CLASP2: variants seen among roughly 807,000 people sequenced by gnomAD.
The protein encoded by CLASP2 is CLIP-associating protein 2.
In CLASP2, 47 loss-of-function variants were observed where a neutral mutation model predicts 194.4. The observed-to-expected ratio is 0.24, with a 90% CI of 0.19 to 0.31. The LOEUF is 0.31. Ranked by LOEUF, CLASP2 falls within the 10% of genes least tolerant of loss-of-function variation. The pLI is 1.00. For missense variants in CLASP2, 1,445 were observed against 1,823.6 expected, an observed-to-expected ratio of 0.79 and a Z score of 3.78; for synonymous variants, 619 against 633.5, an observed-to-expected ratio of 0.98 and a Z score of 0.34.
chr3:33,567,517 G>T (rs1157484802), intron 26 of CLASP2, among the ~76,000 whole-genome samples: 1 of 152,132 alleles, frequency 6.6e-6, no homozygotes, highest in East Asian at 1.9e-4. Flanking sequence ...TATATGGGAT[G>T]GCTTTTGGCA....
chr3:33,532,466 C>G (rs183109199), intron 34 of CLASP2, among the ~76,000 whole-genome samples: 1 of 152,146 alleles, frequency 6.6e-6, no homozygotes, highest in East Asian at 1.9e-4. Context: ...GGATGTGCAA[C>G]AGTATGAATA....
rs1445326708 is a variant in CLASP2, at chr3:33,560,891, C to T, written c.2847G>A (p.Leu949=). The change falls in exon 28 of 39, where the codon CTG becomes CTA. Residue 949 remains leucine, a synonymous_variant. Transcript: ENST00000682230. ...KDDLQDWLFV[L]LTQLLKKMGA... ...CCATTTTTTTTAGTAGTTGTGTCAG[C>T]AGTACAAACAACCAATCTTGAAGAT... 3 of 1,613,820 alleles carry T rather than the reference C, an allele frequency of 1.9e-6. No homozygotes were observed. Among genetic ancestry groups the T allele is most frequent in the East Asian group, 4.5e-5 (2 of 44,872 alleles).
At chr3:33,630,449 G>C (rs1185679648) in intron 9 of CLASP2, among the ~76,000 whole-genome samples, 1 of 151,944 alleles carries the variant, frequency 6.6e-6, no homozygotes, top group Admixed American at 6.6e-5. Context: ...ATGGGTATAG[G>C]AATAATGGTC....
chr3:33,595,618 TA>T (rs1456378656), intron 19 of CLASP2, among the ~76,000 whole-genome samples: 1 of 152,070 alleles, frequency 6.6e-6, no homozygotes, highest in East Asian at 1.9e-4. Context: ...GTATTTTTTT[TA>T]AACATAGGAT....
At position 33,665,951 on chromosome 3, in the gene CLASP2, T is replaced by C. The variant is rs187493321; in HGVS notation, c.645-2436A>G. Among the ~76,000 whole-genome samples, 180 of 152,232 alleles carry C rather than the reference T, an allele frequency of 1.2e-3. 1 individual carries two copies. The highest frequency in any genetic ancestry group is 0.01 in the Admixed American group (157 of 15,280). ...GAAAAATACAACAGAGACTGGATTG[T>C]CCAAAAGATTATAAACACAATTTAG... On this transcript the variant is annotated intron_variant, in intron 6 of 38. Transcript: ENST00000682230.
chr3:33,578,803 GTA>G (rs1469616076), intron 23 of CLASP2, among the ~76,000 whole-genome samples: 2 of 152,166 alleles, frequency 1.3e-5, no homozygotes, highest in African/African-American at 2.4e-5. Flanking sequence ...CTGAAATAAA[GTA>G]AGCCTTTGAA....
intron 19 of CLASP2, 60 bp from the exon 20 acceptor site, chr3:33,595,028 T>A: frequency 9.5e-7 from 1 of 1,050,198 alleles, no homozygotes; most frequent in Non-Finnish European, 1.3e-6. Flanking sequence ...TATTAAGACC[T>A]ACCTCACAGT....
At chr3:33,626,620 TAA>T (rs2078100288) in intron 10 of CLASP2, among the ~76,000 whole-genome samples, 1 of 152,100 alleles carries the variant, frequency 6.6e-6, no homozygotes, top group Admixed American at 6.6e-5. Flanking sequence ...AACATGCAGG[TAA>T]AGTGAACTGC....
chr3:33,536,568 G>C (rs1388238670), intron 33 of CLASP2, among the ~76,000 whole-genome samples: 2 of 152,174 alleles, frequency 1.3e-5, no homozygotes, highest in African/African-American at 2.4e-5. Context: ...AGCAGGAGAT[G>C]AGGCCAGAGA....
intron 27 of CLASP2, among the ~76,000 whole-genome samples, chr3:33,565,890 G>C (rs926044790): frequency 2.6e-5 from 4 of 151,768 alleles, no homozygotes; most frequent in African/African-American, 9.7e-5. Flanking sequence ...TATTGGTAAG[G>C]TTTCTGGTCA....
intron 7 of CLASP2, among the ~76,000 whole-genome samples, chr3:33,651,158 G>A (rs1334263796): frequency 6.6e-6 from 1 of 152,098 alleles, no homozygotes; most frequent in Non-Finnish European, 1.5e-5. Flanking sequence ...CAAGGCAGGT[G>A]GATCATTTGA....
intron 34 of CLASP2, among the ~76,000 whole-genome samples, chr3:33,529,979 C>T (rs1280518832): frequency 6.3e-5 from 6 of 95,984 alleles, no homozygotes; most frequent in African/African-American, 2.1e-4. Flanking sequence ...AGCGAGACTC[C>T]GTCTCAAAAA....
At chr3:33,655,210 T>C (rs1462514818) in intron 7 of CLASP2, among the ~76,000 whole-genome samples, 2 of 152,150 alleles carry the variant, frequency 1.3e-5, no homozygotes, top group South Asian at 2.1e-4. Context: ...AAAGAAAACA[T>C]GTAAACCTTT....
chr3:33,622,981 G>T (rs1447898262), intron 10 of CLASP2, among the ~76,000 whole-genome samples: 1 of 151,944 alleles, frequency 6.6e-6, no homozygotes, highest in Non-Finnish European at 1.5e-5. Flanking sequence ...GATAATTTTT[G>T]TATTTTTAGT....
chr3:33,538,901 A>G lies in CLASP2; in HGVS notation c.3446T>C (p.Ile1149Thr). The G allele has an allele frequency of 1.9e-6, 3 of 1,599,598 alleles. No homozygotes were observed. The highest frequency in any genetic ancestry group is 2.6e-6 in the Non-Finnish European group (3 of 1,173,942). ...YDTENMNSED[I>T]YSSLRGVTEA... is the part of the protein sequence containing the mutation. The stretch of plus-strand genomic sequence containing the variant: ...AGTGACACCTCTAAGAGAGCTATAA[A>G]TATCTTCAGAGTTCATATTTTCTGT... Residue 1149 changes from isoleucine to threonine, a missense_variant, in exon 33 of 39, where the codon ATT (isoleucine) becomes ACT (threonine). Physicochemically the swap from Ile to Thr is moderately conservative, Grantham distance 89. This residue lies in a region of CLASP2 where 732 missense variants were observed against 987.9 expected (regional missense o/e 0.74). Coordinates refer to ENST00000682230, the MANE Select transcript of CLASP2 (RefSeq NM_001365631.1).
rs1488766753 is a variant in CLASP2, at chr3:33,718,232, G to T, written c.-230C>A. On this transcript the variant is annotated 5_prime_UTR_variant, in exon 1 of 39. Coordinates refer to ENST00000682230, the MANE Select transcript of CLASP2 (RefSeq NM_001365631.1). ...CCAGCCCGCTTCAGAGGCCGCGGCC[G>T]CGGGCGACGTCAGCACGCGCGTGAC... is the stretch of plus-strand genomic sequence containing the variant. 1 of 222,514 alleles carries T rather than the reference G, an allele frequency of 4.5e-6. No homozygotes were observed. 13.8% of individuals were successfully genotyped at this position (222,514 alleles called of 1,614,324 possible).
At chr3:33,605,792 G>T (rs1258914879) in intron 16 of CLASP2, among the ~76,000 whole-genome samples, 1 of 152,032 alleles carries the variant, frequency 6.6e-6, no homozygotes, top group Non-Finnish European at 1.5e-5. Flanking sequence ...CTAATTTTTA[G>T]TAGAGATGGG....
chr3:33,679,022 C>T (rs1024811839), intron 6 of CLASP2, among the ~76,000 whole-genome samples: 8 of 152,060 alleles, frequency 5.3e-5, no homozygotes, highest in Admixed American at 3.9e-4. Flanking sequence ...TACAAAACTA[C>T]GGGCAGTGTA....
intron 7 of CLASP2, among the ~76,000 whole-genome samples, chr3:33,652,094 C>T (rs1394603244): frequency 6.6e-6 from 1 of 151,956 alleles, no homozygotes; most frequent in Non-Finnish European, 1.5e-5. Flanking sequence ...GAAAAAAATA[C>T]ATCTTATGTG....
Sources: gnomAD v4.1 joint callset for allele counts (sites outside exome capture counted in the v4.1 genomes callset) on GRCh38, gnomAD v4.1.1 for gene constraint, gnomAD v4.1.1 regional missense constraint, MANE v1.5 for transcripts, NCBI Gene and HGNC (gene_info 2026-07-23, HGNC 2026-07-21) for gene names.